The following IGSF10 variants were observed in gnomAD, a reference collection of about 807,000 sequenced individuals.
The protein encoded by IGSF10 is calvaria mechanical force protein 608.
IGSF10 carries 126 observed loss-of-function variants against 128.2 expected under a neutral mutation model. That is an observed-to-expected ratio of 0.98 (90% confidence interval 0.85 to 1.14). IGSF10 has a LOEUF of 1.14. IGSF10 is among the 50% of genes most tolerant of loss of function. The pLI is 0.00. For missense variants in IGSF10, 3,295 were observed against 3,149.8 expected, an observed-to-expected ratio of 1.05 and a Z score of -1.10; for synonymous variants, 1,185 against 1,146.2, an observed-to-expected ratio of 1.03 and a Z score of -0.68.
chr3:151,461,390 C>A, upstream of IGSF10: 1 of 985,306 alleles, frequency 1.0e-6, no homozygotes, highest in Non-Finnish European at 1.2e-6. Flanking sequence ...TCCCAAAGTT[C>A]TATTTGAAGG....
the IGSF10 span, among the ~76,000 whole-genome samples, chr3:151,498,821 A>G: frequency 6.6e-6 from 1 of 152,194 alleles, no homozygotes; most frequent in East Asian, 1.9e-4. Context: ...GCCTTTGTGT[A>G]TTTTCAGAAC....
At chr3:151,570,949 A>G in the IGSF10 span, among the ~76,000 whole-genome samples, 646 of 152,330 alleles carry the variant, frequency 4.2e-3, 1 homozygote, top group African/African-American at 0.014. Flanking sequence ...AGCTTTCTAC[A>G]TATGGCTAGC....
Position 151,445,468 on chromosome 3 carries a change from G to A in IGSF10, c.4513C>T (p.Leu1505=). 1 of 1,614,162 alleles carries A rather than the reference G, an allele frequency of 6.2e-7. No homozygotes were observed. Among genetic ancestry groups the A allele is most frequent in the Non-Finnish European group, 8.5e-7 (1 of 1,180,014 alleles). ...GCATTGTGCCTTGAGGATTCGTGCA[G>A]CTTGACCACTGTATTTGTCATAAGC... ...SGLMTNTVVK[L]HESSRHNAKP... is the part of the protein sequence containing the mutation. The change falls in exon 6 of 8, where the codon CTG becomes TTG. Residue 1505 remains leucine, a synonymous_variant. Transcript: ENST00000282466.
the IGSF10 span, among the ~76,000 whole-genome samples, chr3:151,583,380 T>A: frequency 2.0e-5 from 3 of 152,346 alleles, no homozygotes; most frequent in East Asian, 5.8e-4. Context: ...ATTTCAAATA[T>A]TACATTTCAT....
chr3:151,532,459 C>T, the IGSF10 span, among the ~76,000 whole-genome samples: 1 of 152,104 alleles, frequency 6.6e-6, no homozygotes, highest in East Asian at 1.9e-4. Flanking sequence ...TCCAGCAGTA[C>T]ATCAAAAAGC....
chr3:151,448,486 C>G lies in IGSF10; in HGVS notation c.1495G>C (p.Gly499Arg). The change falls in exon 6 of 8, where the codon GGC becomes CGC. Residue 499 changes from glycine to arginine, a missense_variant. Physicochemically the swap from Gly to Arg is moderately radical, Grantham distance 125. Coordinates refer to ENST00000282466, the MANE Select transcript of IGSF10 (RefSeq NM_178822.5). Reference sequence around the variant, plus strand: ...ACGTGTGGGGTGGGGTCTCCTTGGCCTGGGCAGTTCAGGCCAACGGTTCCA... The same window carrying G: ...ACGTGTGGGGTGGGGTCTCCTTGGCGTGGGCAGTTCAGGCCAACGGTTCCA... The part of the protein sequence containing the change: ...VGGTVGLNCP[G>R]QGDPTPHVDW... 1 of 1,614,196 alleles carries G rather than the reference C, an allele frequency of 6.2e-7. No homozygotes were observed.
At chr3:151,549,967 T>C in the IGSF10 span, among the ~76,000 whole-genome samples, 1 of 152,154 alleles carries the variant, frequency 6.6e-6, no homozygotes, top group African/African-American at 2.4e-5. Flanking sequence ...CCAATAAATA[T>C]ACATGTTGAT....
the IGSF10 span, among the ~76,000 whole-genome samples, chr3:151,575,304 T>G: frequency 1.3e-5 from 2 of 152,322 alleles, no homozygotes; most frequent in South Asian, 4.1e-4. Flanking sequence ...TGGTGCCTTT[T>G]GTTCAGCTAT....
rs1292802705 is a variant in IGSF10, at chr3:151,447,319, G to C, written c.2662C>G (p.Gln888Glu). 6.2e-7 allele frequency: 1 copy of C among 1,614,186 alleles called. No homozygotes were observed. The highest frequency in any genetic ancestry group is 8.5e-7 in the Non-Finnish European group (1 of 1,180,034). Reference sequence around the variant, plus strand: ...AGTGGAAAGACAGTGGATGAATGTTGATTGGTTGTGCCTTGTATTTGGCTT... The same window carrying C: ...AGTGGAAAGACAGTGGATGAATGTTCATTGGTTGTGCCTTGTATTTGGCTT... ...MSSQIQGTTN[Q>E]HSSTVFPLLL... The change falls in exon 6 of 8, where the codon CAA becomes GAA. Residue 888 changes from glutamine (Q) to glutamate (E), a missense_variant. Physicochemically the swap from Gln to Glu is conservative, Grantham distance 29. Coordinates refer to ENST00000282466, the MANE Select transcript of IGSF10 (RefSeq NM_178822.5).
chr3:151,584,302 C>T, the IGSF10 span, among the ~76,000 whole-genome samples: 1 of 152,156 alleles, frequency 6.6e-6, no homozygotes, highest in Non-Finnish European at 1.5e-5. Flanking sequence ...GTACATCTTT[C>T]CGTACCCTTT....
the IGSF10 span, among the ~76,000 whole-genome samples, chr3:151,524,776 G>T: frequency 2.6e-5 from 4 of 152,008 alleles, no homozygotes; most frequent in Admixed American, 2.6e-4. Flanking sequence ...AACCGAAAAA[G>T]TTAAAAATAC....
the IGSF10 span, among the ~76,000 whole-genome samples, chr3:151,590,769 T>C: frequency 6.6e-6 from 1 of 152,164 alleles, no homozygotes; most frequent in African/African-American, 2.4e-5. Context: ...ATGCAACATA[T>C]ATGTGTGAGA....
chr3:151,453,588 C>G lies in IGSF10; in HGVS notation c.511G>C (p.Asp171His). The change falls in exon 5 of 8, where the codon GAT becomes CAT. Residue 171 changes from aspartate to histidine, a missense_variant. By Grantham distance (81) the Asp-to-His change is moderately conservative (BLOSUM62 -1). Coordinates refer to ENST00000282466, the MANE Select transcript of IGSF10 (RefSeq NM_178822.5). ...AGGTAGCTCAAAGAGACAAATGTAT[C>G]TGGGTGGAGCTTAGTGAGCTGATTT... ...EGNQLTKLHP[D>H]TFVSLSYLQI... The G allele has an allele frequency of 6.2e-7, 1 of 1,613,864 alleles. No homozygotes were observed. The highest frequency in any genetic ancestry group is 8.5e-7 in the Non-Finnish European group (1 of 1,179,824).
At chr3:151,449,924 G>T (rs549614884) in intron 5 of IGSF10, among the ~76,000 whole-genome samples, 1 of 152,192 alleles carries the variant, frequency 6.6e-6, no homozygotes, top group East Asian at 1.9e-4. Flanking sequence ...TAAAAGGAAG[G>T]GTCAAGGAAG....
the IGSF10 span, among the ~76,000 whole-genome samples, chr3:151,512,955 A>C: frequency 6.6e-6 from 1 of 152,222 alleles, no homozygotes; most frequent in South Asian, 2.1e-4. Context: ...CAGGCTCTGA[A>C]ATTGAGGCAA....
At chr3:151,511,294 G>T in the IGSF10 span, among the ~76,000 whole-genome samples, 1 of 152,220 alleles carries the variant, frequency 6.6e-6, no homozygotes, top group Non-Finnish European at 1.5e-5. Flanking sequence ...AGCCAGAAGA[G>T]AGTGGGGGCC....
At chr3:151,485,335 G>A in the IGSF10 span, among the ~76,000 whole-genome samples, 32 of 152,268 alleles carry the variant, frequency 2.1e-4, no homozygotes, top group African/African-American at 7.2e-4. Context: ...ATTGGTGTGT[G>A]TGAAAGTGAT....
At chr3:151,556,701 C>T in the IGSF10 span, among the ~76,000 whole-genome samples, 1 of 152,156 alleles carries the variant, frequency 6.6e-6, no homozygotes, top group East Asian at 1.9e-4. Context: ...CCTCTCCAGC[C>T]TTTGAGAGGA....
At chr3:151,570,860 G>T in the IGSF10 span, among the ~76,000 whole-genome samples, 14 of 152,162 alleles carry the variant, frequency 9.2e-5, no homozygotes, top group South Asian at 8.3e-4. Flanking sequence ...GGGCTTTTAT[G>T]GTTTTAGGTC....
Sources: gnomAD v4.1 joint callset for allele counts (sites outside exome capture counted in the v4.1 genomes callset) on GRCh38, gnomAD v4.1.1 for gene constraint, MANE v1.5 for transcripts, NCBI Gene and HGNC (gene_info 2026-07-23, HGNC 2026-07-21) for gene names.